Variants in GLIS3 observed in about 807,000 individuals in gnomAD.
The protein encoded by GLIS3 is GLIS family zinc finger 3, also known as zinc finger protein GLIS3.
In GLIS3, 53 loss-of-function variants were observed where a neutral mutation model predicts 78.6. The ratio of observed to expected loss-of-function variants is 0.67; its 90% CI spans 0.54 to 0.85. The LOEUF (loss-of-function observed/expected upper bound fraction) is 0.85, where lower values mean the gene tolerates loss of function less well. Ranked by LOEUF, GLIS3 falls within the 40% of genes least tolerant of loss-of-function variation. The pLI is 0.00. For missense variants in GLIS3, 1,703 were observed against 1,231.1 expected, an observed-to-expected ratio of 1.38 and a Z score of -5.74; for synonymous variants, 684 against 509.9, an observed-to-expected ratio of 1.34 and a Z score of -4.60.
chr9:4,169,293 C>G, intron 2 of GLIS3, among the ~76,000 whole-genome samples: 1 of 152,206 alleles, frequency 6.6e-6, no homozygotes, highest in African/African-American at 2.4e-5. Flanking sequence ...CATTACTAGC[C>G]TCAGATTCTG....
At chr9:4,167,659 T>C (rs989652470) in intron 2 of GLIS3, among the ~76,000 whole-genome samples, 1 of 152,208 alleles carries the variant, frequency 6.6e-6, no homozygotes, top group African/African-American at 2.4e-5. Context: ...GTGTACACGT[T>C]GGTAGCACAA....
chr9:4,326,881 CAT>C (rs1817609013), intron 2 of GLIS3, among the ~76,000 whole-genome samples: 2 of 152,114 alleles, frequency 1.3e-5, no homozygotes, highest in Admixed American at 6.6e-5. Flanking sequence ...GCTGTGGGTG[CAT>C]GTCCTCTCAT....
chr9:4,071,463 T>C (rs1386853409), intron 4 of GLIS3: 1 of 152,212 alleles, frequency 6.6e-6, no homozygotes, highest in Non-Finnish European at 1.5e-5. Flanking sequence ...ATGATGGGGT[T>C]AGATTAGAAT....
At chr9:4,153,825 C>T (rs1324694165) in intron 2 of GLIS3, among the ~76,000 whole-genome samples, 1 of 152,206 alleles carries the variant, frequency 6.6e-6, no homozygotes. Flanking sequence ...GCAAACCACT[C>T]AACAACTTAG....
intron 2 of GLIS3, among the ~76,000 whole-genome samples, chr9:4,235,972 G>A (rs1452621581): frequency 1.3e-5 from 2 of 152,006 alleles, no homozygotes; most frequent in East Asian, 3.9e-4. Context: ...ATGTAAAAGA[G>A]ATTCTGAGTA....
intron 4 of GLIS3, among the ~76,000 whole-genome samples, chr9:3,965,179 C>CTT (rs1817838230): frequency 2.3e-5 from 3 of 129,594 alleles, no homozygotes; most frequent in Admixed American, 8.5e-5. Context: ...TTTTCTATTT[C>CTT]TTTCTTTTCT....
intron 8 of GLIS3, among the ~76,000 whole-genome samples, chr9:3,877,045 C>T (rs1026945893): frequency 1.6e-4 from 25 of 151,976 alleles, no homozygotes; most frequent in East Asian, 7.8e-4. Flanking sequence ...ACTCAATGAT[C>T]GTTTTTGTCT....
chr9:3,960,429 C>T (rs10974261), intron 4 of GLIS3, among the ~76,000 whole-genome samples: 31,692 of 152,040 alleles, frequency 0.21, 3,765 homozygotes, highest in East Asian at 0.54. Flanking sequence ...ATGTATTTCT[C>T]CTACAGCATT....
chr9:3,835,869 G>T (rs1818319687), intron 9 of GLIS3, among the ~76,000 whole-genome samples: 1 of 152,144 alleles, frequency 6.6e-6, no homozygotes, highest in Non-Finnish European at 1.5e-5. Flanking sequence ...GGGATATAGT[G>T]GTAAATAAAT....
chr9:4,143,796 T>A (rs12337630), intron 2 of GLIS3, among the ~76,000 whole-genome samples: 3,860 of 152,302 alleles, frequency 0.025, 180 homozygotes, highest in African/African-American at 0.089. Context: ...GCATTTTGGA[T>A]TCCACACCTA....
At chr9:4,319,211 G>C (rs1010267121) in intron 2 of GLIS3, among the ~76,000 whole-genome samples, 6 of 152,158 alleles carry the variant, frequency 3.9e-5, no homozygotes, top group Admixed American at 3.9e-4. Context: ...TAATGGTATT[G>C]CATTAATCCT....
the GLIS3 span, among the ~76,000 whole-genome samples, chr9:4,474,649 A>AT: frequency 0.029 from 4,446 of 151,036 alleles, 98 homozygotes; most frequent in Non-Finnish European, 0.046. Context: ...GCAAATATTT[A>AT]TTTTTTTTAT....
the GLIS3 span, among the ~76,000 whole-genome samples, chr9:4,386,210 A>C: frequency 6.6e-6 from 1 of 152,182 alleles, no homozygotes; most frequent in African/African-American, 2.4e-5. Flanking sequence ...CCCTACTCAG[A>C]AGGAGCTTTG....
intron 8 of GLIS3, among the ~76,000 whole-genome samples, chr9:3,870,172 A>G (rs958672122): frequency 1.3e-5 from 2 of 152,174 alleles, no homozygotes; most frequent in East Asian, 1.9e-4. Context: ...TACATTCCCA[A>G]TGATCAATTA....
intron 4 of GLIS3, among the ~76,000 whole-genome samples, chr9:4,020,884 C>G (rs188739572): frequency 5.0e-4 from 76 of 152,302 alleles, no homozygotes; most frequent in Non-Finnish European, 8.5e-4. Flanking sequence ...TGATCACAGC[C>G]ACAGTAACAC....
chr9:3,949,329 T>C (rs901996749), intron 4 of GLIS3, among the ~76,000 whole-genome samples: 2 of 152,240 alleles, frequency 1.3e-5, no homozygotes, highest in Non-Finnish European at 2.9e-5. Context: ...GTTCTTGGCA[T>C]GATCTTCCTT....
chr9:3,944,137 G>C (rs1256812262), intron 4 of GLIS3, among the ~76,000 whole-genome samples: 1 of 152,058 alleles, frequency 6.6e-6, no homozygotes, highest in Non-Finnish European at 1.5e-5. Flanking sequence ...TCTTAAAAAG[G>C]TCCTTGAAAT....
intron 2 of GLIS3, among the ~76,000 whole-genome samples, chr9:4,263,445 T>C (rs540599917): frequency 2.5e-4 from 38 of 152,206 alleles, no homozygotes; most frequent in African/African-American, 8.2e-4. Context: ...TTGATAATCA[T>C]ATAATTTTGC....
At chr9:4,304,428 C>T (rs1563925906), upstream of GLIS3, among the ~76,000 whole-genome samples, 1 of 152,158 alleles carries the variant, frequency 6.6e-6, no homozygotes, top group Non-Finnish European at 1.5e-5. Context: ...AGACTTTATG[C>T]AATGCTTAGA....
Sources: gnomAD v4.1 joint callset for allele counts (sites outside exome capture counted in the v4.1 genomes callset) on GRCh38, gnomAD v4.1.1 for gene constraint, MANE v1.5 for transcripts, NCBI Gene and HGNC (gene_info 2026-07-23, HGNC 2026-07-21) for gene names.